Variants in PAK5 observed in about 807,000 individuals in gnomAD.
The protein encoded by PAK5 is p21 (RAC1) activated kinase 5.
PAK5 carries 16 observed loss-of-function variants against 65.9 expected under a neutral mutation model. That is an observed-to-expected ratio of 0.24 (90% CI 0.16 to 0.37). The LOEUF is 0.37. Among genes scored for constraint, PAK5 ranks in the 10% least tolerant of loss-of-function variants. The pLI, the probability that PAK5 is intolerant of heterozygous loss-of-function variation, is 1.00. For synonymous variants in PAK5, 371 were observed against 354.9 expected (o/e 1.05, Z -0.51); for missense variants, 785 against 903.9 (o/e 0.87, Z 1.69).
intron 2 of PAK5, among the ~76,000 whole-genome samples, chr20:9,658,722 T>A (rs983238381): frequency 5.3e-5 from 8 of 152,224 alleles, no homozygotes; most frequent in African/African-American, 1.7e-4. Flanking sequence ...TTGTAATGTC[T>A]GTCAACTTTT....
intron 1 of PAK5, among the ~76,000 whole-genome samples, chr20:9,743,772 C>T (rs1016435295): frequency 1.7e-4 from 26 of 152,114 alleles, no homozygotes; most frequent in Non-Finnish European, 3.1e-4. Context: ...TGCCCTAATT[C>T]TTTGAAGTCT....
chr20:9,831,028 C>T (rs553944379), intron 1 of PAK5, among the ~76,000 whole-genome samples: 3 of 152,286 alleles, frequency 2.0e-5, no homozygotes, highest in South Asian at 2.1e-4. Flanking sequence ...AATCAAGGCA[C>T]CCCCCCTCCT....
chr20:9,684,270 A>G (rs2047688753), intron 2 of PAK5, among the ~76,000 whole-genome samples: 1 of 152,184 alleles, frequency 6.6e-6, no homozygotes, highest in South Asian at 2.1e-4. Flanking sequence ...TACACTAGTT[A>G]TGTGACCCTG....
intron 1 of PAK5, among the ~76,000 whole-genome samples, chr20:9,721,609 C>A (rs989461134): frequency 7.5e-6 from 1 of 134,026 alleles, no homozygotes; most frequent in South Asian, 2.3e-4. Flanking sequence ...GTTAAGAACG[C>A]ACCACTGCAC....
chr20:9,651,694 T>G (rs1364827129), intron 2 of PAK5, among the ~76,000 whole-genome samples: 2 of 152,164 alleles, frequency 1.3e-5, no homozygotes, highest in African/African-American at 2.4e-5. Context: ...CCCCAGGGGC[T>G]TTGATTGCCT....
intron 1 of PAK5, among the ~76,000 whole-genome samples, chr20:9,788,117 C>T (rs62192915): frequency 0.058 from 8,744 of 151,970 alleles, 351 homozygotes; most frequent in South Asian, 0.17. Flanking sequence ...TGACTTTGTT[C>T]AATGTGATTT....
chr20:9,777,328 G>A (rs1353275217), intron 1 of PAK5, among the ~76,000 whole-genome samples: 1 of 152,186 alleles, frequency 6.6e-6, no homozygotes, highest in Admixed American at 6.5e-5. Flanking sequence ...ACATGTTGTG[G>A]GAAGAACCCG....
intron 1 of PAK5, among the ~76,000 whole-genome samples, chr20:9,741,610 C>T (rs1263622666): frequency 6.6e-6 from 1 of 152,068 alleles, no homozygotes; most frequent in Non-Finnish European, 1.5e-5. Flanking sequence ...AAGATTAATA[C>T]CTGTCCAGAC....
At chr20:9,720,773 GA>G (rs2048204426) in intron 1 of PAK5, among the ~76,000 whole-genome samples, 1 of 152,070 alleles carries the variant, frequency 6.6e-6, no homozygotes, top group South Asian at 2.1e-4. Context: ...TTATTCAACA[GA>G]AAAAAGAATA....
intron 1 of PAK5, among the ~76,000 whole-genome samples, chr20:9,799,192 T>C (rs914205923): frequency 1.3e-5 from 2 of 152,122 alleles, no homozygotes; most frequent in African/African-American, 4.8e-5. Context: ...TAAACTGTAA[T>C]ACATATTGCA....
intron 4 of PAK5, among the ~76,000 whole-genome samples, chr20:9,576,457 G>A (rs568093830): frequency 6.6e-5 from 10 of 152,204 alleles, no homozygotes; most frequent in South Asian, 2.1e-4. Context: ...AGAGGGGAAC[G>A]GCCATGGATG....
intron 1 of PAK5, among the ~76,000 whole-genome samples, chr20:9,763,881 T>A (rs1029181670): frequency 3.2e-4 from 49 of 152,160 alleles, no homozygotes; most frequent in Non-Finnish European, 6.6e-4. Context: ...TAAACACACA[T>A]ACACATATAA....
intron 3 of PAK5, among the ~76,000 whole-genome samples, chr20:9,631,806 TA>T (rs2046925992): frequency 6.6e-6 from 1 of 152,342 alleles, no homozygotes; most frequent in African/African-American, 2.4e-5. Flanking sequence ...CCATTAACCT[TA>T]CAGGTAACAG....
At chr20:9,574,569 C>T (rs1290356442) in intron 4 of PAK5, among the ~76,000 whole-genome samples, 8 of 152,200 alleles carry the variant, frequency 5.3e-5, no homozygotes, top group Admixed American at 5.2e-4. Flanking sequence ...TAGGAACGGA[C>T]AATGCCAGGT....
At chr20:9,655,223 A>G (rs2047251348) in intron 2 of PAK5, among the ~76,000 whole-genome samples, 1 of 152,206 alleles carries the variant, frequency 6.6e-6, no homozygotes, top group Non-Finnish European at 1.5e-5. Flanking sequence ...CCCTTATCCC[A>G]GCTCACAGTT....
chr20:9,743,400 A>AC (rs398121165), intron 1 of PAK5, among the ~76,000 whole-genome samples: 342 of 79,834 alleles, frequency 4.3e-3, no homozygotes, highest in African/African-American at 0.013. Context: ...CCAAAAAAAA[A>AC]CAAACGAAAC....
At chr20:9,799,696 T>C (rs1477605344) in intron 1 of PAK5, among the ~76,000 whole-genome samples, 1 of 151,904 alleles carries the variant, frequency 6.6e-6, no homozygotes, top group Non-Finnish European at 1.5e-5. Context: ...ATATTTGGCC[T>C]AGAATATAGA....
chr20:9,743,798 T>G (rs980255666), intron 1 of PAK5, among the ~76,000 whole-genome samples: 7 of 152,140 alleles, frequency 4.6e-5, no homozygotes, highest in Admixed American at 1.3e-4. Context: ...GAGCTGAAAA[T>G]GGCCCCTCAA....
chr20:9,580,193 G>A lies in PAK5; in HGVS notation c.942C>T (p.Asn314=). 1 of 1,614,136 alleles carries A rather than the reference G, an allele frequency of 6.2e-7. No homozygotes were observed. Among genetic ancestry groups the A allele is most frequent in the Non-Finnish European group, 8.5e-7 (1 of 1,179,986 alleles). ...FKTHPQGHSY[N]SYTYPRLSEP... ...CGGACAAGCGAGGGTAGGTGTAGGA[G>A]TTGTAGGAGTGTCCTTGGGGATGGG... Residue 314 remains asparagine, a synonymous_variant, in exon 4 of 10, where the codon AAC becomes AAT. Transcript: ENST00000353224.
Sources: allele counts gnomAD v4.1 joint callset (sites outside exome capture counted in the v4.1 genomes callset), GRCh38; gene constraint gnomAD v4.1.1; transcripts MANE v1.5; gene names NCBI Gene and HGNC (gene_info 2026-07-23, HGNC 2026-07-21).